The following PLSCR2 variants were observed in gnomAD, a reference collection of about 807,000 sequenced individuals.
PLSCR2 encodes the protein phospholipid scramblase 2.
In PLSCR2, 18 loss-of-function variants were observed where a neutral mutation model predicts 25.3. That is an observed-to-expected ratio of 0.71 (90% CI 0.49 to 1.06). The LOEUF (loss-of-function observed/expected upper bound fraction) is 1.06, where lower values mean the gene tolerates loss of function less well. Ranked by LOEUF, PLSCR2 falls within the 50% of genes least tolerant of loss-of-function variation. The pLI, the probability that PLSCR2 is intolerant of heterozygous loss-of-function variation, is 0.00. For synonymous variants in PLSCR2, 88 were observed against 87.3 expected (o/e 1.01, Z -0.04); for missense variants, 243 against 269.5 (o/e 0.90, Z 0.69).
intron 5 of PLSCR2, among the ~76,000 whole-genome samples, chr3:146,452,035 A>C (rs950808108): frequency 6.6e-6 from 1 of 152,224 alleles, no homozygotes; most frequent in African/African-American, 2.4e-5. Flanking sequence ...GGTTGTGTGA[A>C]TCCTGCTTTA....
downstream of PLSCR2, among the ~76,000 whole-genome samples, chr3:146,437,260 G>C (rs1391651393): frequency 6.6e-6 from 1 of 152,140 alleles, no homozygotes; most frequent in African/African-American, 2.4e-5. Context: ...GTCTCTGCCA[G>C]GCTTTGGTAT....
chr3:146,474,760 CCTCCTCGTA>C (rs1204218756), intron 1 of PLSCR2, among the ~76,000 whole-genome samples: 1 of 152,026 alleles, frequency 6.6e-6, no homozygotes, highest in Non-Finnish European at 1.5e-5. Flanking sequence ...CTCCCTGTCT[CCTCCTCGTA>C]CTCCAATCAA....
intron 2 of PLSCR2, among the ~76,000 whole-genome samples, chr3:146,409,817 A>G (rs2108033611): frequency 6.6e-6 from 1 of 152,300 alleles, no homozygotes; most frequent in South Asian, 2.1e-4. Context: ...GAGCAGAGAT[A>G]TTAGATCCAA....
upstream of PLSCR2, among the ~76,000 whole-genome samples, chr3:146,463,435 G>T (rs149567102): frequency 2.2e-4 from 33 of 152,140 alleles, no homozygotes; most frequent in African/African-American, 7.2e-4. Flanking sequence ...GATTACAGGC[G>T]TGAGCCACCG....
intron 2 of PLSCR2, among the ~76,000 whole-genome samples, chr3:146,459,532 G>A (rs1576678312): frequency 1.3e-5 from 2 of 152,280 alleles, no homozygotes; most frequent in African/African-American, 2.4e-5. Flanking sequence ...TAAAGATTAA[G>A]TGAGGTAATA....
chr3:146,422,345 C>G (rs982484096), intron 2 of PLSCR2, among the ~76,000 whole-genome samples: 1 of 152,074 alleles, frequency 6.6e-6, no homozygotes, highest in Non-Finnish European at 1.5e-5. Context: ...AAATCCCACA[C>G]AAAGTGTTTT....
chr3:146,458,802 T>G (rs950889435), intron 2 of PLSCR2, among the ~76,000 whole-genome samples: 2 of 152,072 alleles, frequency 1.3e-5, no homozygotes, highest in African/African-American at 4.8e-5. Flanking sequence ...TAAGTCTCAG[T>G]TATTCATTTT....
At chr3:146,455,645 A>T (rs936481018) in intron 3 of PLSCR2, among the ~76,000 whole-genome samples, 186 bp from the exon 4 acceptor site, 1 of 152,172 alleles carries the variant, frequency 6.6e-6, no homozygotes, top group African/African-American at 2.4e-5. Flanking sequence ...CTATTAATGC[A>T]TGGAGAAATT....
intron 2 of PLSCR2, among the ~76,000 whole-genome samples, chr3:146,413,184 G>C (rs2038910943): frequency 6.6e-6 from 1 of 152,088 alleles, no homozygotes; most frequent in African/African-American, 2.4e-5. Flanking sequence ...GGAACTCTGG[G>C]CCTGGGATGG....
At chr3:146,415,401 G>A (rs1284783074) in intron 2 of PLSCR2, among the ~76,000 whole-genome samples, 1 of 151,892 alleles carries the variant, frequency 6.6e-6, no homozygotes, top group East Asian at 1.9e-4. Flanking sequence ...TCTATAAGGT[G>A]TTTTGTCTTG....
At chr3:146,412,277 A>C (rs947008419) in intron 2 of PLSCR2, among the ~76,000 whole-genome samples, 2 of 151,556 alleles carry the variant, frequency 1.3e-5, no homozygotes, top group Admixed American at 6.6e-5. Context: ...CACTTTGACC[A>C]CTCCACTGAG....
At chr3:146,493,797 T>G (rs970202346) in intron 1 of PLSCR2, among the ~76,000 whole-genome samples, 17 of 149,608 alleles carry the variant, frequency 1.1e-4, no homozygotes, top group African/African-American at 3.9e-4. Context: ...TTTTTTTTTT[T>G]TTTTTTTTTT....
intron 1 of PLSCR2, among the ~76,000 whole-genome samples, chr3:146,480,371 TCAAA>T (rs1177963016): frequency 1.3e-5 from 2 of 151,296 alleles, no homozygotes; most frequent in South Asian, 2.1e-4. Context: ...GAGAGAAGAA[TCAAA>T]CAGACGCAAT....
exon 3 of PLSCR2, chr3:146,395,897 C>T: frequency 6.2e-6 from 2 of 320,212 alleles, no homozygotes; most frequent in Admixed American, 4.1e-5. Context: ...TTTCCAATAA[C>T]CATTTCCTCA....
chr3:146,480,798 C>G (rs1489291013), intron 1 of PLSCR2, among the ~76,000 whole-genome samples: 1 of 151,742 alleles, frequency 6.6e-6, no homozygotes, highest in African/African-American at 2.4e-5. Flanking sequence ...AATTTTAGAC[C>G]AAAATCCCTG....
At chr3:146,457,431 T>A (rs747434980) in intron 3 of PLSCR2, among the ~76,000 whole-genome samples, 4 of 152,164 alleles carry the variant, frequency 2.6e-5, no homozygotes, top group Admixed American at 6.5e-5. Flanking sequence ...CCTAAGAACA[T>A]AACTGGTGGC....
chr3:146,439,558 G>A (rs528097880), downstream of PLSCR2, among the ~76,000 whole-genome samples: 6 of 151,984 alleles, frequency 3.9e-5, no homozygotes, highest in African/African-American at 1.4e-4. Context: ...TCTTCCACTT[G>A]ATCAAATTGG....
intron 2 of PLSCR2, among the ~76,000 whole-genome samples, chr3:146,414,638 G>T (rs890775396): frequency 3.3e-5 from 5 of 151,262 alleles, no homozygotes; most frequent in African/African-American, 1.2e-4. Context: ...ATGCATTTTG[G>T]TTTCATCCAC....
intron 2 of PLSCR2, among the ~76,000 whole-genome samples, chr3:146,425,053 T>C (rs2039294391): frequency 6.6e-6 from 1 of 151,780 alleles, no homozygotes; most frequent in Non-Finnish European, 1.5e-5. Flanking sequence ...GAAGGAAAAA[T>C]AAATTTGTGT....
Sources: allele counts gnomAD v4.1 joint callset (sites outside exome capture counted in the v4.1 genomes callset), GRCh38; gene constraint gnomAD v4.1.1; transcripts MANE v1.5; gene names NCBI Gene and HGNC (gene_info 2026-07-23, HGNC 2026-07-21).